The following MID1 variants were observed in gnomAD, a reference collection of about 807,000 sequenced individuals.
MID1 encodes the protein E3 ubiquitin-protein ligase Midline-1.
A neutral mutation model predicts 40.4 loss-of-function variants in MID1; 7 were observed. The observed-to-expected ratio is 0.17, with a 90% CI of 0.10 to 0.33. The LOEUF is 0.33. MID1 is among the 10% of genes least tolerant of loss of function. The pLI is 1.00. For missense variants in MID1, 367 were observed against 558.5 expected (o/e 0.66, Z 3.46); for synonymous variants, 229 against 221.2 (o/e 1.04, Z -0.31).
At chrX:10,791,431 G>A (rs2043929832) in intron 1 of MID1, among the ~76,000 whole-genome samples, 2 of 112,310 alleles carry the variant, frequency 1.8e-5, no homozygotes. Context: ...TAGAAAACAC[G>A]ATGGCTAATA....
chrX:10,651,823 C>G (rs1339697989), intron 1 of MID1, among the ~76,000 whole-genome samples: 1 of 111,139 alleles, frequency 9.0e-6, no homozygotes, highest in Non-Finnish European at 1.9e-5. Context: ...AGGCGGGGTC[C>G]CACCATGTTG....
intron 1 of MID1, among the ~76,000 whole-genome samples, chrX:10,601,504 G>T (rs1450609800): frequency 1.8e-5 from 2 of 112,383 alleles, no homozygotes; most frequent in Non-Finnish European, 3.8e-5. Context: ...ATGTCGAGCT[G>T]AGGGGTTTGG....
rs770287003 is a variant in MID1 at position 10,807,209 on chromosome X, C to T, written c.-187+26345G>A. On this transcript the variant is annotated intron_variant, in intron 1 of 10. Coordinates refer to the MID1 transcript ENST00000380785. Reference sequence around the variant, plus strand: ...GCAGTGAGTGGAGATCATGCCATTGCACTCCAGCCTGGGTGACAGAGCAAG... The same window carrying T: ...GCAGTGAGTGGAGATCATGCCATTGTACTCCAGCCTGGGTGACAGAGCAAG... 4.5e-5 allele frequency among the ~76,000 whole-genome samples: 5 copies of T among 110,510 alleles called. No homozygotes were observed. The South Asian group carries it at 2.0e-3, about 44-fold the overall frequency.
chrX:10,709,986 C>T (rs1014178126), intron 1 of MID1, among the ~76,000 whole-genome samples: 5 of 111,881 alleles, frequency 4.5e-5, no homozygotes, highest in African/African-American at 1.6e-4. Flanking sequence ...GAATTATTCA[C>T]TTCTAAATGA....
intron 1 of MID1, among the ~76,000 whole-genome samples, chrX:10,830,861 A>T (rs1445602804): frequency 1.8e-5 from 2 of 112,186 alleles, no homozygotes; most frequent in Non-Finnish European, 3.8e-5. Flanking sequence ...AATAAAGAGG[A>T]CAAACTGGAT....
chrX:10,616,710 A>G (rs1935846579), intron 1 of MID1, among the ~76,000 whole-genome samples: 1 of 112,804 alleles, frequency 8.9e-6, no homozygotes, highest in Non-Finnish European at 1.9e-5. Context: ...CAAAAAAATT[A>G]TTTCAAAATG....
intron 1 of MID1, among the ~76,000 whole-genome samples, chrX:10,717,156 C>A (rs1038166174): frequency 1.3e-4 from 15 of 111,610 alleles, no homozygotes; most frequent in African/African-American, 4.6e-4. Flanking sequence ...AAATAACCAG[C>A]TAATATCATT....
intron 5 of MID1, among the ~76,000 whole-genome samples, chrX:10,480,956 G>A (rs73492975): frequency 0.028 from 3,140 of 112,220 alleles, 86 homozygotes; most frequent in African/African-American, 0.097. Flanking sequence ...AAACAAGCAA[G>A]CACTCAATAA....
intron 1 of MID1, among the ~76,000 whole-genome samples, chrX:10,618,006 C>G (rs1935868840): frequency 8.9e-6 from 1 of 112,419 alleles, no homozygotes; most frequent in Non-Finnish European, 1.9e-5. Flanking sequence ...TTCTGCCAAC[C>G]TGGCAGAAGC....
In MID1 at chrX:10,539,534, T is replaced by A. The variant is rs187782277; in HGVS notation, c.661-16347A>T. ...TCACTATAAATTGAGATTCTTAAAA[T>A]AAAGCTGCTTCTGAATTCAAAACAA... On this transcript the variant is annotated intron_variant, in intron 2 of 9. Transcript: ENST00000317552. 5.6e-3 allele frequency among the ~76,000 whole-genome samples: 633 copies of A among 112,204 alleles called. 6 individuals are homozygous for A. The highest frequency in any genetic ancestry group is 0.032 in the South Asian group (87 of 2,687).
chrX:10,766,921 A>G (rs2043734470), intron 1 of MID1, among the ~76,000 whole-genome samples: 1 of 110,400 alleles, frequency 9.1e-6, no homozygotes, highest in African/African-American at 3.3e-5. Flanking sequence ...AAAAAAAAAA[A>G]AAAGAAAAAT....
At chrX:10,775,650 T>C (rs1328407108) in intron 1 of MID1, among the ~76,000 whole-genome samples, 1 of 111,518 alleles carries the variant, frequency 9.0e-6, no homozygotes, top group Non-Finnish European at 1.9e-5. Flanking sequence ...ACAGAGGTAT[T>C]GTAAGATTCT....
chrX:10,558,231 G>A (rs893831870), intron 2 of MID1, among the ~76,000 whole-genome samples: 1 of 111,456 alleles, frequency 9.0e-6, no homozygotes, highest in African/African-American at 3.3e-5. Context: ...AGTTAGGATT[G>A]TCTAAAATTC....
intron 5 of MID1, among the ~76,000 whole-genome samples, chrX:10,481,021 A>AT (rs951214893): frequency 9.0e-6 from 1 of 111,266 alleles, no homozygotes; most frequent in African/African-American, 3.3e-5. Context: ...GATGGCGAGT[A>AT]TTTTTTTTCC....
intron 2 of MID1, among the ~76,000 whole-genome samples, chrX:10,533,327 GGAAAGAAAGAAAGAAAGAAAGAAAGAAA>G (rs35811442): frequency 2.9e-4 from 14 of 47,817 alleles, no homozygotes; most frequent in African/African-American, 1.1e-3. Flanking sequence ...AAGAAAGAAA[GGAAAGAAAGAAAGAAAGAAAGAAAGAAA>G]GAAAGAAAGA....
intron 1 of MID1, among the ~76,000 whole-genome samples, chrX:10,607,186 G>T (rs1332773165): frequency 8.9e-6 from 1 of 112,283 alleles, no homozygotes; most frequent in Non-Finnish European, 1.9e-5. Context: ...ACCAAAACCT[G>T]ATCCCCGCTG....
At chrX:10,636,797 T>G (rs997658836) in intron 1 of MID1, among the ~76,000 whole-genome samples, 12 of 85,253 alleles carry the variant, frequency 1.4e-4, no homozygotes, top group Non-Finnish European at 2.7e-4. Context: ...TATATATATA[T>G]ATATATATAT....
At chrX:10,806,428 G>C (rs12008471) in intron 1 of MID1, among the ~76,000 whole-genome samples, 3,729 of 111,897 alleles carry the variant, frequency 0.033, 167 homozygotes, top group African/African-American at 0.12. Context: ...GCTTGCCTGT[G>C]CAGTTTCTGG....
At chrX:10,812,022 TA>T (rs2044105988) in intron 1 of MID1, among the ~76,000 whole-genome samples, 2 of 111,690 alleles carry the variant, frequency 1.8e-5, no homozygotes, top group African/African-American at 6.5e-5. Flanking sequence ...CTTCTGCCAT[TA>T]AAAAATAACA....
Sources: allele counts gnomAD v4.1 joint callset (sites outside exome capture counted in the v4.1 genomes callset), GRCh38; gene constraint gnomAD v4.1.1; transcripts MANE v1.5; gene names NCBI Gene and HGNC (gene_info 2026-07-23, HGNC 2026-07-21).